The following STK32B variants were observed in gnomAD, a reference collection of about 807,000 sequenced individuals.
STK32B encodes the protein serine/threonine kinase 32B.
Under a neutral mutation model 52.6 loss-of-function variants are expected in STK32B, and 43 were observed. The ratio of observed to expected loss-of-function variants is 0.82; its 90% CI spans 0.64 to 1.05. The LOEUF is 1.05. Among genes scored for constraint, STK32B ranks in the 50% least tolerant of loss-of-function variants. STK32B has a pLI of 0.00. For synonymous variants in STK32B, 238 were observed against 204.3 expected (o/e 1.17, Z -1.41); for missense variants, 621 against 534.6 (o/e 1.16, Z -1.59).
chr4:5,288,575 T>A (rs868130178), intron 3 of STK32B, among the ~76,000 whole-genome samples: 23 of 152,314 alleles, frequency 1.5e-4, no homozygotes, highest in Middle Eastern at 3.4e-3. Flanking sequence ...GCCTATTTTT[T>A]AAATTGGTTT....
In STK32B at chr4:5,398,314, G is replaced by A; in HGVS notation, c.472+70G>A. The A allele has an allele frequency of 1.3e-6, 2 of 1,548,936 alleles. No homozygotes were observed. Among genetic ancestry groups the A allele is most frequent in the Non-Finnish European group, 1.8e-6 (2 of 1,125,274 alleles). On this transcript the variant is annotated intron_variant, in intron 5 of 11. Transcript: ENST00000282908. The surrounding 1 kb of genome is among the most constrained non-coding windows in gnomAD (Gnocchi z 4.9). ...TTGAGGCACTGGGAAATAGTGCGGG[G>A]GTGGGGGTTGGGTCTTGCTGAGTTG...
intron 2 of STK32B, among the ~76,000 whole-genome samples, chr4:5,149,625 A>G (rs1186334362): frequency 1.3e-5 from 2 of 151,870 alleles, no homozygotes; most frequent in Non-Finnish European, 2.9e-5. Flanking sequence ...AGGCCCATCT[A>G]CCACCCTATC....
intron 3 of STK32B, among the ~76,000 whole-genome samples, chr4:5,244,375 T>C (rs1725284702): frequency 6.6e-6 from 1 of 152,220 alleles, no homozygotes; most frequent in African/African-American, 2.4e-5. Context: ...GAGGTGTTTG[T>C]AGTATTCTCT....
At chr4:5,490,735 C>T (rs1305673983) in intron 11 of STK32B, among the ~76,000 whole-genome samples, 1 of 152,090 alleles carries the variant, frequency 6.6e-6, no homozygotes, top group East Asian at 1.9e-4. Context: ...CTCTCCACCC[C>T]ACAACAGTCT....
In STK32B at chr4:5,142,302, T is replaced by C. The variant is rs566066536; in HGVS notation, c.108+2342T>C. Among the ~76,000 whole-genome samples the C allele has an allele frequency of 1.6e-3, 239 of 152,366 alleles. No individual in the cohort carries two copies. In the Middle Eastern group the frequency reaches 0.017, roughly 11 times the overall value. On this transcript the variant is annotated intron_variant, in intron 2 of 11. Transcript: ENST00000282908. The stretch of plus-strand genomic sequence containing the variant: ...CTCTTCTTCCCTGGGGAGTATTTTC[T>C]GATGATTTCTGCTTCTCTTTTACTT...
chr4:5,194,937 G>A (rs866731495), intron 3 of STK32B, among the ~76,000 whole-genome samples: 11 of 152,170 alleles, frequency 7.2e-5, no homozygotes, highest in African/African-American at 1.7e-4. Flanking sequence ...TAACCCATTC[G>A]TGAGAAGCTG....
intron 9 of STK32B, among the ~76,000 whole-genome samples, chr4:5,462,602 A>G (rs938899073): frequency 3.9e-5 from 6 of 152,170 alleles, no homozygotes; most frequent in African/African-American, 1.4e-4. Flanking sequence ...ACTGTGCTGC[A>G]CAGGAGCTGG....
chr4:5,143,018 C>G (rs983298248), intron 2 of STK32B, among the ~76,000 whole-genome samples: 9 of 152,098 alleles, frequency 5.9e-5, no homozygotes, highest in Non-Finnish European at 2.9e-5. Flanking sequence ...GCCAGCATGC[C>G]CTGTAAAAGT....
chr4:5,494,082 A>G lies in STK32B; in HGVS notation c.1107-4863A>G, dbSNP rs898273100. ...TGATTTGGGGTGGAGAGTTCTGTAG[A>G]TGTCTATTAGGTCCACTTGGTGCAG... On this transcript the variant is annotated intron_variant, in intron 11 of 11. Coordinates refer to ENST00000282908, the MANE Select transcript of STK32B (RefSeq NM_018401.3). Among the ~76,000 whole-genome samples, 44 of 152,282 alleles carry G rather than the reference A, an allele frequency of 2.9e-4. 1 individual carries two copies. The Middle Eastern group carries it at 0.014, about 47-fold the overall frequency.
intron 2 of STK32B, among the ~76,000 whole-genome samples, chr4:5,141,715 T>G (rs1251426919): frequency 2.6e-5 from 4 of 152,110 alleles, no homozygotes; most frequent in African/African-American, 9.7e-5. Context: ...GGATATATTT[T>G]GAAAATGTCA....
At chr4:5,442,267 G>A (rs989379410) in intron 6 of STK32B, among the ~76,000 whole-genome samples, 1 of 148,996 alleles carries the variant, frequency 6.7e-6, no homozygotes, top group Non-Finnish European at 1.5e-5. Flanking sequence ...CTCAGGACTT[G>A]CTTCATGAAT....
At chr4:5,317,304 T>C (rs186506859) in intron 3 of STK32B, among the ~76,000 whole-genome samples, 1,792 of 63,910 alleles carry the variant, frequency 0.028, 326 homozygotes, top group African/African-American at 0.14. Context: ...TAATATATAA[T>C]ATATAACATA....
chr4:5,313,433 C>G (rs1361587257), intron 3 of STK32B, among the ~76,000 whole-genome samples: 2 of 151,432 alleles, frequency 1.3e-5, no homozygotes, highest in East Asian at 3.9e-4. Context: ...AATGCTTTCT[C>G]CCTAAGATTG....
intron 11 of STK32B, among the ~76,000 whole-genome samples, chr4:5,492,908 G>C (rs78472203): frequency 0.38 from 57,165 of 150,362 alleles, 11,908 homozygotes; most frequent in Non-Finnish European, 0.43. Context: ...AACCAGCCTT[G>C]CATCCCAGGG....
At chr4:5,272,734 A>G (rs1044194935) in intron 3 of STK32B, among the ~76,000 whole-genome samples, 2 of 149,952 alleles carry the variant, frequency 1.3e-5, no homozygotes, top group Non-Finnish European at 1.5e-5. Context: ...AAAACAAGCA[A>G]TGGGGAAAGG....
intron 1 of STK32B, among the ~76,000 whole-genome samples, chr4:5,079,889 C>G (rs1456268737): frequency 6.6e-6 from 1 of 152,072 alleles, no homozygotes; most frequent in Non-Finnish European, 1.5e-5. Context: ...CATGATCTCA[C>G]TTATATGTGA....
chr4:5,315,485 A>C (rs2108918391), intron 3 of STK32B, among the ~76,000 whole-genome samples: 1 of 148,920 alleles, frequency 6.7e-6, no homozygotes. Context: ...GCATAAACTC[A>C]ATATTATCTA....
chr4:5,364,782 A>G (rs529504342), intron 4 of STK32B, among the ~76,000 whole-genome samples: 16 of 152,254 alleles, frequency 1.1e-4, no homozygotes, highest in Admixed American at 7.2e-4. Flanking sequence ...ACCCACACAT[A>G]TACCTTCAGG....
At position 5,499,118 on chromosome 4, in the gene STK32B, C is replaced by G. The variant is rs372607888; in HGVS notation, c.*35C>G. 10 of 1,567,854 alleles carry G rather than the reference C, an allele frequency of 6.4e-6. No homozygotes were observed. The highest frequency in any genetic ancestry group is 5.9e-5 in the South Asian group (5 of 84,552). On this transcript the variant is annotated 3_prime_UTR_variant, in exon 12 of 12. Transcript: ENST00000282908. ...TGTTGCTGCTCAACAGGACTGCACT[C>G]GTCTCTGCCCTGCCCACCCAGAGCC...
Sources: gnomAD v4.1 joint callset for allele counts (sites outside exome capture counted in the v4.1 genomes callset) on GRCh38, gnomAD v4.1.1 for gene constraint, Gnocchi (gnomAD v3.1) non-coding constraint, MANE v1.5 for transcripts, NCBI Gene and HGNC (gene_info 2026-07-23, HGNC 2026-07-21) for gene names.